Variants in ATXN7 observed in about 807,000 individuals in gnomAD.
The protein encoded by ATXN7 is ataxin 7.
ATXN7 carries 12 observed loss-of-function variants against 70.5 expected under a neutral mutation model. The observed-to-expected ratio is 0.17, with a 90% confidence interval of 0.11 to 0.28. The LOEUF (loss-of-function observed/expected upper bound fraction) is 0.28, where lower values mean the gene tolerates loss of function less well. Among genes scored for constraint, ATXN7 ranks in the 10% least tolerant of loss-of-function variants. The probability of loss-of-function intolerance (pLI) is 1.00; values close to 1 mark genes in which losing one functional copy is unlikely to be tolerated. For missense variants in ATXN7, 1,256 were observed against 1,131.7 expected, an observed-to-expected ratio of 1.11 and a Z score of -1.58; for synonymous variants, 498 against 448.7, an observed-to-expected ratio of 1.11 and a Z score of -1.39.
intron 4 of ATXN7, among the ~76,000 whole-genome samples, chr3:63,918,706 C>T (rs1057275333): frequency 2.0e-5 from 3 of 152,158 alleles, no homozygotes; most frequent in Admixed American, 1.3e-4. Context: ...CATCCCTGAT[C>T]CTCTCTGTGG....
At chr3:63,874,308 GTCT>G (rs1269538637) in intron 1 of ATXN7, among the ~76,000 whole-genome samples, 5 of 152,184 alleles carry the variant, frequency 3.3e-5, no homozygotes, top group African/African-American at 9.6e-5. Context: ...TTATTTTTCG[GTCT>G]TCTTGTGTCT....
intron 3 of ATXN7, 24 bp downstream of exon 3, chr3:63,912,947 C>T: frequency 6.3e-7 from 1 of 1,593,154 alleles, no homozygotes; most frequent in Non-Finnish European, 8.6e-7. Flanking sequence ...CCCTCCTCCC[C>T]CCTTCACCCC....
At chr3:63,895,857 C>T (rs1238998091) in intron 1 of ATXN7, among the ~76,000 whole-genome samples, 1 of 151,974 alleles carries the variant, frequency 6.6e-6, no homozygotes, top group Non-Finnish European at 1.5e-5. Flanking sequence ...GATAAGTGGC[C>T]TCTTGGGTCA....
At chr3:63,878,124 C>G (rs1575838051) in intron 1 of ATXN7, among the ~76,000 whole-genome samples, 1 of 152,200 alleles carries the variant, frequency 6.6e-6, no homozygotes, top group East Asian at 1.9e-4. Context: ...CTCTTCCTCT[C>G]TGCCTGGGCT....
At chr3:63,867,752 G>C (rs551656351) in intron 1 of ATXN7, among the ~76,000 whole-genome samples, 13 of 152,064 alleles carry the variant, frequency 8.5e-5, no homozygotes, top group Non-Finnish European at 1.8e-4. Flanking sequence ...TTATCTAGGC[G>C]TGGTGGTGTG....
intron 2 of ATXN7, among the ~76,000 whole-genome samples, chr3:63,906,375 C>A (rs551407044): frequency 1.3e-5 from 2 of 152,334 alleles, no homozygotes; most frequent in South Asian, 4.1e-4. Context: ...AACACACCTG[C>A]ATTGTTCGTC....
intron 1 of ATXN7, among the ~76,000 whole-genome samples, chr3:63,890,849 T>C (rs1703235539): frequency 6.6e-6 from 1 of 152,146 alleles, no homozygotes; most frequent in African/African-American, 2.4e-5. Context: ...CATTCAGGAG[T>C]GAAATTGTGT....
intron 1 of ATXN7, among the ~76,000 whole-genome samples, chr3:63,884,549 G>T (rs1703024052): frequency 6.6e-6 from 1 of 152,068 alleles, no homozygotes; most frequent in South Asian, 2.1e-4. Context: ...GCAAATGGGA[G>T]AGAATAGATA....
intron 11 of ATXN7, among the ~76,000 whole-genome samples, chr3:63,993,127 A>T (rs1429865477): frequency 1.3e-5 from 2 of 152,096 alleles, no homozygotes; most frequent in Admixed American, 1.3e-4. Flanking sequence ...TTAGACCAGC[A>T]CTTTCTCTGC....
At chr3:63,906,997 A>G (rs972721541) in intron 2 of ATXN7, among the ~76,000 whole-genome samples, 8 of 152,286 alleles carry the variant, frequency 5.3e-5, no homozygotes, top group African/African-American at 1.2e-4. Flanking sequence ...GGCTAAAGCC[A>G]TAATTCAGCA....
intron 1 of ATXN7, among the ~76,000 whole-genome samples, chr3:63,884,600 A>C (rs1339763345): frequency 1.3e-5 from 2 of 152,054 alleles, no homozygotes; most frequent in South Asian, 4.1e-4. Flanking sequence ...TTATGCAGAT[A>C]ATCATCTCTC....
At position 63,982,349 on chromosome 3, in the gene ATXN7, A is replaced by C. The variant is rs140270787; in HGVS notation, c.916A>C (p.Ile306Leu). The change falls in exon 7 of 13, where the codon ATT becomes CTT. Residue 306 changes from isoleucine (I) to leucine (L), a missense_variant. Coordinates refer to ENST00000674280, the MANE Select transcript of ATXN7 (RefSeq NM_001377405.1). The part of the protein sequence containing the change: ...PKPTLPSPGQ[I>L]LNGKGLPAPP... ...GCCAACCTTGCCTTCACCTGGACAG[A>C]TTCTGAATGGCAAAGGGCTTCCTGC... The C allele has an allele frequency of 1.2e-6, 2 of 1,614,172 alleles. No individual in the cohort carries two copies. The highest frequency in any genetic ancestry group is 3.3e-5 in the Admixed American group (2 of 60,014).
intron 1 of ATXN7, among the ~76,000 whole-genome samples, chr3:63,883,101 A>G (rs704367): frequency 2.6e-5 from 4 of 152,028 alleles, no homozygotes; most frequent in Non-Finnish European, 5.9e-5. Flanking sequence ...CCTTCCATCA[A>G]CCTCAGCAGT....
chr3:63,939,795 A>C (rs953477656), intron 4 of ATXN7, among the ~76,000 whole-genome samples: 11 of 152,290 alleles, frequency 7.2e-5, no homozygotes, highest in Admixed American at 5.9e-4. Context: ...GAAAGCCAGC[A>C]GTCTAGCAGC....
chr3:63,881,600 T>C (rs1702913620), intron 1 of ATXN7, among the ~76,000 whole-genome samples: 4 of 151,538 alleles, frequency 2.6e-5, no homozygotes, highest in Admixed American at 2.6e-4. Context: ...ATGATTCTCC[T>C]GCCTCAGCCT....
chr3:63,913,456 T>C (rs1704141286), intron 4 of ATXN7, among the ~76,000 whole-genome samples: 1 of 152,092 alleles, frequency 6.6e-6, no homozygotes, highest in Non-Finnish European at 1.5e-5. Flanking sequence ...AGCAGCATTA[T>C]TGGTGATGAG....
In ATXN7 at chr3:63,999,733, T is replaced by C; in HGVS notation, c.*266T>C. 3.4e-6 allele frequency: 2 copies of C among 593,444 alleles called. No homozygotes were observed. Among genetic ancestry groups the C allele is most frequent in the East Asian group, 2.8e-5 (1 of 35,730 alleles). The allele number at this position is 593,444 out of a possible 1,614,324, so 36.8% of individuals were successfully genotyped here. A position where few individuals can be genotyped will look rare whatever the true frequency, so the allele number is the denominator to read the frequency against. ...TGTTAAAGTGGTCTGAACTGCTTGC[T>C]ACCAATCTGTGAGAAGTTTTTGTTT... On this transcript the variant is annotated 3_prime_UTR_variant, in exon 13 of 13. Transcript: ENST00000674280.
At chr3:63,939,771 A>G (rs2074723704) in intron 4 of ATXN7, among the ~76,000 whole-genome samples, 2 of 152,122 alleles carry the variant, frequency 1.3e-5, no homozygotes, top group Non-Finnish European at 2.9e-5. Flanking sequence ...CAGCTTCACA[A>G]CTAGGGTAGC....
rs111326941 is a variant in ATXN7 at position 63,985,779 on chromosome 3, T to G, written c.1096-2280T>G. 2.6e-3 allele frequency among the ~76,000 whole-genome samples: 394 copies of G among 152,314 alleles called. 1 individual carries two copies. Among genetic ancestry groups the G allele is most frequent in the African/African-American group, 8.4e-3 (349 of 41,568 alleles). ...GGAGAGATTTGTGACTCCTGTAGCC[T>G]TTGTCCATTCACTCATTGTAGAACT... On this transcript the variant is annotated intron_variant, in intron 8 of 12. Transcript: ENST00000674280.
Sources: gnomAD v4.1 joint callset for allele counts (sites outside exome capture counted in the v4.1 genomes callset) on GRCh38, gnomAD v4.1.1 for gene constraint, MANE v1.5 for transcripts, NCBI Gene and HGNC (gene_info 2026-07-23, HGNC 2026-07-21) for gene names.